Variants in CDKAL1 observed in about 807,000 individuals in gnomAD.
CDKAL1 encodes CDKAL1 threonylcarbamoyladenosine tRNA methylthiotransferase, also known as threonylcarbamoyladenosine tRNA methylthiotransferase.
Under a neutral mutation model 68.2 loss-of-function variants are expected in CDKAL1, and 32 were observed. That is an observed-to-expected ratio of 0.47 (90% CI 0.35 to 0.63). The LOEUF is 0.63. Among genes scored for constraint, CDKAL1 ranks in the 30% least tolerant of loss-of-function variants. The pLI, the probability that CDKAL1 is intolerant of heterozygous loss-of-function variation, is 0.00. For synonymous variants in CDKAL1, 234 were observed against 244.3 expected (o/e 0.96, Z 0.39); for missense variants, 606 against 696.7 (o/e 0.87, Z 1.47).
chr6:21,081,572 CT>C (rs201718303), intron 12 of CDKAL1, among the ~76,000 whole-genome samples: 6,109 of 137,350 alleles, frequency 0.044, 165 homozygotes, highest in East Asian at 0.19. Context: ...AATGATATAT[CT>C]TTTTTTTTTT....
At chr6:21,055,918 C>G (rs917739088) in intron 11 of CDKAL1, among the ~76,000 whole-genome samples, 5 of 152,150 alleles carry the variant, frequency 3.3e-5, no homozygotes, top group African/African-American at 1.2e-4. Context: ...AATGGTATTT[C>G]TGGTCCTAGG....
intron 4 of CDKAL1, among the ~76,000 whole-genome samples, chr6:20,570,427 GTC>G (rs1764652531): frequency 1.3e-5 from 2 of 150,078 alleles, no homozygotes; most frequent in South Asian, 2.1e-4. Context: ...TTGAGACGAA[GTC>G]TCACTCTGTC....
chr6:21,033,725 C>T (rs1016498426), intron 11 of CDKAL1, among the ~76,000 whole-genome samples: 9 of 152,148 alleles, frequency 5.9e-5, no homozygotes, highest in African/African-American at 1.9e-4. Context: ...TCACTATAGA[C>T]GATGTGCTTT....
At chr6:20,975,030 A>G (rs1389721949) in intron 10 of CDKAL1, among the ~76,000 whole-genome samples, 1 of 150,580 alleles carries the variant, frequency 6.6e-6, no homozygotes, top group Non-Finnish European at 1.5e-5. Context: ...TATTTGGACC[A>G]TGACTCCAAA....
In CDKAL1 at chr6:20,591,281, A is replaced by C. The variant is rs1215451781; in HGVS notation, c.286+42576A>C. Among the ~76,000 whole-genome samples, 3 of 152,008 alleles carry C rather than the reference A, an allele frequency of 2.0e-5. No homozygotes were observed. In the East Asian group the frequency reaches 5.8e-4, roughly 29 times the overall value. ...CTTTGTTAAATGGATAGATTGCAAAAATTTTCTCCCATTCTGTAGGTTGCC... is the reference window on the plus strand; with the variant it reads ...CTTTGTTAAATGGATAGATTGCAAACATTTTCTCCCATTCTGTAGGTTGCC... On this transcript the variant is annotated intron_variant, in intron 4 of 15. Coordinates refer to ENST00000274695, the MANE Select transcript of CDKAL1 (RefSeq NM_017774.3).
At chr6:20,731,777 G>A (rs186690904) in intron 5 of CDKAL1, among the ~76,000 whole-genome samples, 2 of 152,316 alleles carry the variant, frequency 1.3e-5, no homozygotes, top group East Asian at 3.9e-4. Flanking sequence ...CAGTTTGGCA[G>A]GTTCAGGAAT....
At chr6:20,721,233 T>G (rs965415538) in intron 5 of CDKAL1, among the ~76,000 whole-genome samples, 3 of 152,008 alleles carry the variant, frequency 2.0e-5, no homozygotes, top group Non-Finnish European at 4.4e-5. Flanking sequence ...GTCCTTGAGA[T>G]AGTTTGCTAA....
intron 9 of CDKAL1, among the ~76,000 whole-genome samples, chr6:20,847,145 C>T (rs1581691489): frequency 6.6e-6 from 1 of 152,028 alleles, no homozygotes; most frequent in Non-Finnish European, 1.5e-5. Flanking sequence ...TTGATGCCTC[C>T]CAACAGTTTT....
intron 11 of CDKAL1, among the ~76,000 whole-genome samples, chr6:21,013,876 A>G (rs1389264549): frequency 6.6e-6 from 1 of 152,214 alleles, no homozygotes; most frequent in Non-Finnish European, 1.5e-5. Context: ...ATAGATAGAT[A>G]TCACTTTCTC....
chr6:20,801,885 A>G (rs1776378433), intron 8 of CDKAL1, among the ~76,000 whole-genome samples: 1 of 152,204 alleles, frequency 6.6e-6, no homozygotes, highest in Non-Finnish European at 1.5e-5. Flanking sequence ...CCAATGTGTA[A>G]CATCCTTCTT....
chr6:21,032,752 CCA>C (rs1173915234), intron 11 of CDKAL1, among the ~76,000 whole-genome samples: 1 of 152,116 alleles, frequency 6.6e-6, no homozygotes, highest in Non-Finnish European at 1.5e-5. Context: ...ATAGCCTGTA[CCA>C]TATAGCCTAG....
intron 9 of CDKAL1, among the ~76,000 whole-genome samples, chr6:20,923,044 T>A (rs9460578): frequency 0.25 from 37,518 of 152,028 alleles, 4,917 homozygotes; most frequent in Middle Eastern, 0.34. Context: ...TAAAAGGTAT[T>A]TGGGGGAGAA....
intron 5 of CDKAL1, among the ~76,000 whole-genome samples, chr6:20,699,175 A>G (rs113974180): frequency 0.015 from 2,281 of 152,152 alleles, 47 homozygotes; most frequent in African/African-American, 0.052. Context: ...TGTCACCTGA[A>G]TGGTTTATCC....
chr6:20,847,864 G>T (rs1181695792), intron 9 of CDKAL1, among the ~76,000 whole-genome samples: 1 of 152,228 alleles, frequency 6.6e-6, no homozygotes, highest in Non-Finnish European at 1.5e-5. Flanking sequence ...AACAAAAGCA[G>T]AGATTTATTG....
chr6:20,679,186 G>T (rs895700285), intron 5 of CDKAL1, among the ~76,000 whole-genome samples: 11 of 152,264 alleles, frequency 7.2e-5, no homozygotes, highest in Non-Finnish European at 1.3e-4. Flanking sequence ...CAAAGTGTTG[G>T]GATTATAGGC....
At chr6:21,108,531 C>A in intron 13 of CDKAL1, 68 bp downstream of exon 13, 4 of 989,380 alleles carry the variant, frequency 4.0e-6, no homozygotes, top group South Asian at 1.6e-5. Flanking sequence ...CAATTTTCAC[C>A]AACATATGGT....
At chr6:21,194,056 T>C (rs1479599340) in intron 13 of CDKAL1, among the ~76,000 whole-genome samples, 1 of 152,212 alleles carries the variant, frequency 6.6e-6, no homozygotes, top group Non-Finnish European at 1.5e-5. Flanking sequence ...AAAGGCAGCC[T>C]CACATTATAA....
At chr6:20,858,969 C>G (rs1176943005) in intron 9 of CDKAL1, among the ~76,000 whole-genome samples, 1 of 151,944 alleles carries the variant, frequency 6.6e-6, no homozygotes, top group Admixed American at 6.6e-5. Flanking sequence ...ACATATATCA[C>G]TGTAGTTAGA....
chr6:20,907,511 A>G (rs1762284927), intron 9 of CDKAL1, among the ~76,000 whole-genome samples: 1 of 152,220 alleles, frequency 6.6e-6, no homozygotes, highest in African/African-American at 2.4e-5. Flanking sequence ...AGAAAAAAAT[A>G]GTAATAAAAA....
Sources: allele counts gnomAD v4.1 joint callset (sites outside exome capture counted in the v4.1 genomes callset), GRCh38; gene constraint gnomAD v4.1.1; transcripts MANE v1.5; gene names NCBI Gene and HGNC (gene_info 2026-07-23, HGNC 2026-07-21).